The following ANKRD2 variants were observed in gnomAD, a reference collection of about 807,000 sequenced individuals.
ANKRD2 encodes the protein ankyrin repeat domain-containing protein 2.
In ANKRD2, 35 loss-of-function variants were observed where a neutral mutation model predicts 37.3. That is an observed-to-expected ratio of 0.94 (90% CI 0.72 to 1.24). The LOEUF (loss-of-function observed/expected upper bound fraction) is 1.24, where lower values mean the gene tolerates loss of function less well. ANKRD2 is among the 50% of genes most tolerant of loss of function. ANKRD2 has a pLI of 0.00. For missense variants in ANKRD2, 410 were observed against 445.6 expected (o/e 0.92, Z 0.72); for synonymous variants, 159 against 186.5 (o/e 0.85, Z 1.20).
At chr10:97,583,468 A>T in intron 8 of ANKRD2, 108 bp from the exon 9 acceptor site, 1 of 1,124,030 alleles carries the variant, frequency 8.9e-7, no homozygotes, top group Admixed American at 2.9e-5. Flanking sequence ...AGTTGCCCCC[A>T]TTTGAGAAGC....
chr10:97,572,616 C>G (rs1279807526), upstream of ANKRD2: 2 of 1,449,326 alleles, frequency 1.4e-6, no homozygotes, highest in Middle Eastern at 5.1e-4. Context: ...ACTGGCTCTG[C>G]TCCCTGGCCC....
At chr10:97,582,797 A>T in intron 8 of ANKRD2, 95 bp downstream of exon 8, 1 of 1,110,826 alleles carries the variant, frequency 9.0e-7, no homozygotes, top group Non-Finnish European at 1.4e-6. Flanking sequence ...GCCTAGGGAC[A>T]TGTATCATTG....
Position 97,578,508 on chromosome 10 carries a change from T to C in ANKRD2, c.359T>C (p.Val120Ala), listed in dbSNP as rs151079145. The change falls in exon 4 of 9, where the codon GTG becomes GCG. Residue 120 changes from valine to alanine, a missense_variant. By Grantham distance (64) the Val-to-Ala change is moderately conservative (BLOSUM62 0). Transcript: ENST00000370655. ...CGTCCACATCTGCAGACTGGCCCTG[T>C]GGATGAGGAGACCTTCCTGAAAGCT... is the stretch of plus-strand genomic sequence containing the variant. ...PPEPEEITGP[V>A]DEETFLKAAV... The C allele has an allele frequency of 2.6e-5, 41 of 1,584,148 alleles. No homozygotes were observed. The highest frequency in any genetic ancestry group is 3.4e-6 in the Non-Finnish European group (4 of 1,164,854).
At chr10:97,582,769 G>GA (rs1249990443) in intron 8 of ANKRD2, 67 bp downstream of exon 8, 23 of 1,482,670 alleles carry the variant, frequency 1.6e-5, no homozygotes, top group Non-Finnish European at 2.1e-5. Context: ...TGCTGTCCTG[G>GA]TCCCTGGAGC....
chr10:97,582,523 A>C, intron 7 of ANKRD2, 81 bp from the exon 8 acceptor site: 1 of 1,565,574 alleles, frequency 6.4e-7, no homozygotes, highest in East Asian at 2.2e-5. Context: ...GCTCCTGAGC[A>C]GGGTCTCCAG....
intron 2 of ANKRD2, 46 bp downstream of exon 2, chr10:97,577,947 G>T: frequency 6.6e-7 from 1 of 1,513,266 alleles, no homozygotes; most frequent in South Asian, 1.3e-5. Context: ...GACCAGCCAG[G>T]TAGCCATGGC....
chr10:97,581,219 C>A, intron 5 of ANKRD2, 97 bp from the exon 6 acceptor site: 1 of 1,271,818 alleles, frequency 7.9e-7, no homozygotes, highest in Non-Finnish European at 1.1e-6. Flanking sequence ...CTGTACCTTT[C>A]CCCTAGATAT....
rs570095548 is a variant in ANKRD2, at chr10:97,581,497, G to C, written c.654+83G>C. 7 of 1,363,740 alleles carry C rather than the reference G, an allele frequency of 5.1e-6. No individual in the cohort carries two copies. The South Asian group carries it at 6.2e-5, about 12-fold the overall frequency. The allele number at this position is 1,363,740 out of a possible 1,614,324, so 84.5% of individuals were successfully genotyped here. ...GGGGTCCAAGGGCAGGAAAGCCTAG[G>C]GGGCAGGAAGGTAGTGAGCTAGTCT... is the stretch of plus-strand genomic sequence containing the variant. On this transcript the variant is annotated intron_variant, in intron 6 of 8. Transcript: ENST00000370655.
chr10:97,583,543 G>A, intron 8 of ANKRD2, 33 bp from the exon 9 acceptor site: 1 of 1,545,382 alleles, frequency 6.5e-7, no homozygotes. Flanking sequence ...ATTTTCTCTT[G>A]CCAACCCCCA....
chr10:97,579,749 G>A (rs986722289), intron 4 of ANKRD2, among the ~76,000 whole-genome samples: 17 of 151,796 alleles, frequency 1.1e-4, no homozygotes, highest in African/African-American at 2.4e-4. Flanking sequence ...CACCACACCC[G>A]GCTAATTTGT....
chr10:97,576,463 A>G (rs2040827037), intron 1 of ANKRD2, among the ~76,000 whole-genome samples: 1 of 152,144 alleles, frequency 6.6e-6, no homozygotes, highest in South Asian at 2.1e-4. Context: ...AAGGCTGAGG[A>G]GCTGCTGCTC....
chr10:97,578,146 C>CCCCCCCCCCCCCCCCCCCCCAA, intron 2 of ANKRD2, 94 bp from the exon 3 acceptor site: 1 of 401,352 alleles, frequency 2.5e-6, no homozygotes, highest in East Asian at 6.5e-5. Context: ...GTCTTCCTGC[C>CCCCCCCCCCCCCCCCCCCCCAA]CACCCCACCC....
At chr10:97,580,804 G>C in intron 4 of ANKRD2, 51 bp from the exon 5 acceptor site, 1 of 1,433,550 alleles carries the variant, frequency 7.0e-7, no homozygotes, top group South Asian at 1.2e-5. Flanking sequence ...GTGGGAGATG[G>C]GCTCAGGCCT....
At chr10:97,583,322 G>A (rs1438906874) in intron 8 of ANKRD2, among the ~76,000 whole-genome samples, 2 of 152,126 alleles carry the variant, frequency 1.3e-5, no homozygotes, top group Non-Finnish European at 2.9e-5. Context: ...GACATTTAGG[G>A]CTGGGTGATT....
chr10:97,583,506 T>G (rs2135709261), intron 8 of ANKRD2, 70 bp from the exon 9 acceptor site: 1 of 1,421,990 alleles, frequency 7.0e-7, no homozygotes, highest in South Asian at 1.4e-5. Flanking sequence ...GGGTACCTTC[T>G]GTGAAAGCCT....
chr10:97,578,099 AG>A, intron 2 of ANKRD2, 140 bp from the exon 3 acceptor site: 1 of 1,174,606 alleles, frequency 8.5e-7, no homozygotes, highest in East Asian at 2.6e-5. Context: ...TAGGCCTGGA[AG>A]GAGGGATAGA....
Position 97,580,955 on chromosome 10 carries a change from TGA to T in ANKRD2, c.555+4_555+5del. 1 of 1,582,688 alleles carries T rather than the reference TGA, an allele frequency of 6.3e-7. No individual in the cohort carries two copies. Among genetic ancestry groups the T allele is most frequent in the Non-Finnish European group, 8.6e-7 (1 of 1,164,048 alleles). The stretch of plus-strand genomic sequence containing the variant: ...GCCACTGTGGACTTCCAGGATCGGG[TGA>T]GTGAGAGGGCAGGTATTCAATGGGA... On this transcript the variant is annotated splice_donor_region_variant and intron_variant, in intron 5 of 8. Coordinates refer to ENST00000370655, the MANE Select transcript of ANKRD2 (RefSeq NM_001346793.2).
rs991825234 is a variant in ANKRD2 at position 97,583,865 on chromosome 10, A to T, written c.*140A>T. 2 of 989,496 alleles carry T rather than the reference A, an allele frequency of 2.0e-6. No homozygotes were observed. The highest frequency in any genetic ancestry group is 3.4e-5 in the African/African-American group (2 of 58,978). The allele number at this position is 989,496 out of a possible 1,614,324, so 61.3% of individuals were successfully genotyped here. A position where few individuals can be genotyped will look rare whatever the true frequency, so the allele number is the denominator to read the frequency against. ...AGCACATACCACAAACTACCACAAT[A>T]AAAAAGCTGTTTTTGCTAATTGCGA... On this transcript the variant is annotated 3_prime_UTR_variant, in exon 9 of 9. Transcript: ENST00000370655.
intron 7 of ANKRD2, 60 bp from the exon 8 acceptor site, chr10:97,582,544 A>G: frequency 1.3e-6 from 2 of 1,586,762 alleles, no homozygotes; most frequent in Non-Finnish European, 1.7e-6. Flanking sequence ...CCCACCTCCC[A>G]TCACCCTTGC....
Sources: gnomAD v4.1 joint callset for allele counts (sites outside exome capture counted in the v4.1 genomes callset) on GRCh38, gnomAD v4.1.1 for gene constraint, MANE v1.5 for transcripts, NCBI Gene and HGNC (gene_info 2026-07-23, HGNC 2026-07-21) for gene names.